TNIP3: variants seen among roughly 807,000 people sequenced by gnomAD.
TNIP3 encodes the protein TNFAIP3 interacting protein 3.
In TNIP3, 34 loss-of-function variants were observed where a neutral mutation model predicts 54.1. The observed-to-expected ratio is 0.63, with a 90% confidence interval of 0.48 to 0.84. The LOEUF (loss-of-function observed/expected upper bound fraction) is 0.84. Ranked by LOEUF, TNIP3 falls within the 40% of genes least tolerant of loss-of-function variation. The pLI is 0.00. For synonymous variants in TNIP3, 134 were observed against 136.8 expected (o/e 0.98, Z 0.14); for missense variants, 366 against 387.6 (o/e 0.94, Z 0.47).
chr4:121,189,573 G>A (rs1249614133), intron 2 of TNIP3, among the ~76,000 whole-genome samples: 6 of 152,206 alleles, frequency 3.9e-5, no homozygotes, highest in Non-Finnish European at 5.9e-5. Context: ...TTAGATGACT[G>A]AGTTCAGGTG....
At chr4:121,220,060 A>G (rs1726966445), upstream of TNIP3, among the ~76,000 whole-genome samples, 1 of 152,190 alleles carries the variant, frequency 6.6e-6, no homozygotes, top group Non-Finnish European at 1.5e-5. Flanking sequence ...AAGATTCTAT[A>G]AAGTAATAGG....
At chr4:121,154,245 C>T (rs576386923) in intron 5 of TNIP3, 27 of 321,678 alleles carry the variant, frequency 8.4e-5, no homozygotes, top group African/African-American at 5.8e-4. Flanking sequence ...CGTTATTGTT[C>T]GCAAACACCC....
At chr4:121,197,387 G>T (rs147902437) in intron 2 of TNIP3, among the ~76,000 whole-genome samples, 3,304 of 152,074 alleles carry the variant, frequency 0.022, 77 homozygotes, top group Admixed American at 0.035. Context: ...AATTAGCTGG[G>T]CGTGGTGGCG....
At chr4:121,139,532 T>C (rs950136312) in intron 9 of TNIP3, among the ~76,000 whole-genome samples, 5 of 152,216 alleles carry the variant, frequency 3.3e-5, no homozygotes, top group Admixed American at 6.5e-5. Flanking sequence ...ATAGATTTTT[T>C]TGTTGTTCTG....
intron 1 of TNIP3, chr4:121,227,259 C>G: frequency 1.4e-6 from 1 of 735,500 alleles, no homozygotes; most frequent in Non-Finnish European, 2.2e-6. Context: ...TTACTGAGTT[C>G]CTGATCAGTT....
At chr4:121,194,512 C>G (rs1054083910) in intron 2 of TNIP3, among the ~76,000 whole-genome samples, 9 of 152,068 alleles carry the variant, frequency 5.9e-5, no homozygotes, top group African/African-American at 1.9e-4. Context: ...CAAACCAAAG[C>G]AACTAAGATG....
chr4:121,194,016 T>C (rs1725437079), intron 2 of TNIP3, among the ~76,000 whole-genome samples: 1 of 152,304 alleles, frequency 6.6e-6, no homozygotes, highest in South Asian at 2.1e-4. Flanking sequence ...AAATGTAATG[T>C]AAGATCCTGG....
In TNIP3 at chr4:121,223,274, G is replaced by A. The variant is rs191155256; in HGVS notation, c.3+4111C>T. Among the ~76,000 whole-genome samples the A allele has an allele frequency of 6.8e-4, 104 of 152,338 alleles. 2 individuals carry two copies. Among genetic ancestry groups the A allele is most frequent in the South Asian group, 1.2e-3 (6 of 4,828 alleles). On this transcript the variant is annotated intron_variant, in intron 1 of 12. Coordinates refer to the TNIP3 transcript ENST00000509841. ...GAAAGGGAAGTAAAGGACAGCCTGA[G>A]CCAATTTATCAGATATCTTTGCATA...
chr4:121,198,357 T>C (rs199499297), intron 2 of TNIP3, among the ~76,000 whole-genome samples: 1 of 152,210 alleles, frequency 6.6e-6, no homozygotes, highest in East Asian at 1.9e-4. Flanking sequence ...TTGATATATA[T>C]AGCATAAACT....
chr4:121,154,771 A>T, intron 4 of TNIP3, 92 bp from the exon 5 acceptor site: 2 of 1,215,998 alleles, frequency 1.6e-6, no homozygotes, highest in East Asian at 5.1e-5. Flanking sequence ...CATGGCAGGC[A>T]GATTGAGGGG....
chr4:121,150,060 G>T, intron 6 of TNIP3, 43 bp downstream of exon 6: 2 of 1,226,360 alleles, frequency 1.6e-6, no homozygotes, highest in Non-Finnish European at 2.4e-6. Flanking sequence ...TGAAAAATGG[G>T]CAGTATGTTC....
Position 121,158,670 on chromosome 4 carries a change from T to A in TNIP3, c.213+17A>T. On this transcript the variant is annotated intron_variant, in intron 3 of 10. Coordinates refer to ENST00000057513, the MANE Select transcript of TNIP3 (RefSeq NM_024873.6). ...TAATGGCTTTAAAGAAAATACCGAA[T>A]AGAGAGAGGTATTTACCTTTCTTTC... The A allele has an allele frequency of 6.3e-7, 1 of 1,585,634 alleles. No individual in the cohort carries two copies. The highest frequency in any genetic ancestry group is 8.7e-7 in the Non-Finnish European group (1 of 1,155,534).
intron 2 of TNIP3, among the ~76,000 whole-genome samples, chr4:121,189,404 G>A (rs1361089664): frequency 3.3e-5 from 5 of 152,188 alleles, no homozygotes. Context: ...CAAACATCAG[G>A]AATCTGGGTG....
Position 121,150,131 on chromosome 4 carries a change from C to T in TNIP3, c.581G>A (p.Arg194Lys). 1 of 1,613,642 alleles carries T rather than the reference C, an allele frequency of 6.2e-7. No homozygotes were observed. Among genetic ancestry groups the T allele is most frequent in the Non-Finnish European group, 8.5e-7 (1 of 1,179,692 alleles). The part of the protein sequence containing the change: ...SRVEFCHEEM[R>K]TEMEVLKQQV... Reference sequence around the variant, plus strand: ...CTGCTTCAGAACTTCCATTTCTGTTCTCATCTCCTCATGGCAGAATTCCAC... The same window carrying T: ...CTGCTTCAGAACTTCCATTTCTGTTTTCATCTCCTCATGGCAGAATTCCAC... The change falls in exon 6 of 11, where the codon AGA becomes AAA. Residue 194 changes from arginine (R) to lysine (K), a missense_variant. Coordinates refer to ENST00000057513, the MANE Select transcript of TNIP3 (RefSeq NM_024873.6).
intron 6 of TNIP3, among the ~76,000 whole-genome samples, chr4:121,149,846 G>A (rs534003314): frequency 2.2e-4 from 33 of 152,278 alleles, no homozygotes; most frequent in African/African-American, 7.0e-4. Flanking sequence ...GTTAATTGGC[G>A]TGCCCCTCTT....
At chr4:121,197,153 G>C (rs1056147555) in intron 2 of TNIP3, among the ~76,000 whole-genome samples, 1 of 152,030 alleles carries the variant, frequency 6.6e-6, no homozygotes, top group Admixed American at 6.6e-5. Flanking sequence ...CAAGCAGATG[G>C]CTGCTAAGAG....
rs557585448 is a variant in TNIP3 at position 121,213,127 on chromosome 4, A to G, written c.68+3288T>C. On this transcript the variant is annotated intron_variant, in intron 2 of 12. Coordinates refer to the TNIP3 transcript ENST00000507879. Reference sequence around the variant, plus strand: ...TTCTTAATGTCCACCAATGCTTTACATAAAGGACGTTTGAATGACTTGAAT... The same window carrying G: ...TTCTTAATGTCCACCAATGCTTTACGTAAAGGACGTTTGAATGACTTGAAT... Among the ~76,000 whole-genome samples, 5 of 152,336 alleles carry G rather than the reference A, an allele frequency of 3.3e-5. No individual in the cohort carries two copies. In the South Asian group the frequency reaches 8.3e-4, roughly 25 times the overall value.
rs550435326 is a variant in TNIP3, at chr4:121,144,144, A to C, written c.736-1368T>G. Among the ~76,000 whole-genome samples, 29 of 152,280 alleles carry C rather than the reference A, an allele frequency of 1.9e-4. 3 individuals are homozygous for C. The South Asian group carries it at 3.3e-3, about 17-fold the overall frequency. On this transcript the variant is annotated intron_variant, in intron 7 of 10. Transcript: ENST00000057513. ...GCAGAATTTGTGATGATGAGGATAG[A>C]CTGTACATGTCTCTTTTACTATATT...
At position 121,179,191 on chromosome 4, in the gene TNIP3, G is replaced by A. The variant is rs1409769339; in HGVS notation, c.189+3485C>T. Among the ~76,000 whole-genome samples the A allele has an allele frequency of 2.0e-5, 3 of 152,310 alleles. No individual in the cohort carries two copies. In the East Asian group the frequency reaches 5.8e-4, roughly 29 times the overall value. ...GGCTTATGGGTAGCTAGAACACAGG[G>A]TGCACTTTGGGAAATAGCAGAATGT... On this transcript the variant is annotated intron_variant, in intron 3 of 12. Coordinates refer to the TNIP3 transcript ENST00000507879.
Sources: gnomAD v4.1 joint callset for allele counts (sites outside exome capture counted in the v4.1 genomes callset) on GRCh38, gnomAD v4.1.1 for gene constraint, MANE v1.5 for transcripts, NCBI Gene and HGNC (gene_info 2026-07-23, HGNC 2026-07-21) for gene names.